Variants in FAF1 observed in about 807,000 individuals in gnomAD.
FAF1 encodes FAS-associated factor 1.
In FAF1, 25 loss-of-function variants were observed where a neutral mutation model predicts 92.5. The observed-to-expected ratio is 0.27, with a 90% CI of 0.20 to 0.38. The LOEUF (loss-of-function observed/expected upper bound fraction) is 0.38. Ranked by LOEUF, FAF1 falls within the 10% of genes least tolerant of loss-of-function variation. The probability of loss-of-function intolerance (pLI) is 1.00; values close to 1 mark genes in which losing one functional copy is unlikely to be tolerated. For missense variants in FAF1, 636 were observed against 793.3 expected (o/e 0.80, Z 2.38); for synonymous variants, 234 against 273.2 (o/e 0.86, Z 1.42).
intron 2 of FAF1, among the ~76,000 whole-genome samples, chr1:50,821,206 A>T (rs1031962784): frequency 1.3e-5 from 2 of 152,072 alleles, no homozygotes; most frequent in African/African-American, 4.8e-5. Flanking sequence ...ATGCAACTTT[A>T]AAAAAAATCT....
At chr1:50,861,602 T>C (rs1644433228) in intron 1 of FAF1, among the ~76,000 whole-genome samples, 1 of 151,798 alleles carries the variant, frequency 6.6e-6, no homozygotes, top group Non-Finnish European at 1.5e-5. Flanking sequence ...TTGGGTACAG[T>C]GTACACTATT....
At chr1:50,844,818 T>A (rs1406801587) in intron 2 of FAF1, among the ~76,000 whole-genome samples, 1 of 152,032 alleles carries the variant, frequency 6.6e-6, no homozygotes, top group Non-Finnish European at 1.5e-5. Context: ...TGATTGGTAA[T>A]CATAAAGTTA....
intron 2 of FAF1, chr1:50,846,659 C>A: frequency 1.8e-6 from 1 of 546,626 alleles, no homozygotes; most frequent in Non-Finnish European, 3.6e-6. Flanking sequence ...CGGGTATTTC[C>A]TGGTGAATTT....
At chr1:50,526,145 C>A (rs990371002) in intron 15 of FAF1, among the ~76,000 whole-genome samples, 1 of 152,152 alleles carries the variant, frequency 6.6e-6, no homozygotes, top group African/African-American at 2.4e-5. Flanking sequence ...CTGTTTTGAC[C>A]TGTAGGTTAG....
rs1646135463 is a variant in FAF1, at chr1:50,437,159, A to T, written c.*4281T>A. ...AGATTATTTGAGACAAGGACAAAAT[A>T]CTAAATGCAGAGATATTCAAGGCAA... On this transcript the variant is annotated 3_prime_UTR_variant, in exon 19 of 19. Transcript: ENST00000396153. The T allele has an allele frequency of 6.6e-6, 1 of 152,262 alleles. No homozygotes were observed. The highest frequency in any genetic ancestry group is 1.5e-5 in the Non-Finnish European group (1 of 68,046). 9.4% of individuals were successfully genotyped at this position (152,262 alleles called of 1,614,324 possible). A position where few individuals can be genotyped will look rare whatever the true frequency, so the allele number is the denominator to read the frequency against.
At chr1:50,948,422 G>A (rs1645187497) in intron 1 of FAF1, among the ~76,000 whole-genome samples, 1 of 152,180 alleles carries the variant, frequency 6.6e-6, no homozygotes, top group South Asian at 2.1e-4. Flanking sequence ...GTAAGGCAAA[G>A]CGGGAGACAG....
intron 6 of FAF1, among the ~76,000 whole-genome samples, chr1:50,716,474 T>G (rs1197687564): frequency 6.6e-6 from 1 of 152,104 alleles, no homozygotes; most frequent in Non-Finnish European, 1.5e-5. Context: ...CTGGGTCGAG[T>G]GGGGACTTGG....
At chr1:50,472,331 C>T (rs1458443349) in intron 18 of FAF1, among the ~76,000 whole-genome samples, 1 of 150,376 alleles carries the variant, frequency 6.6e-6, no homozygotes, top group African/African-American at 2.4e-5. Context: ...ACTATTCCTT[C>T]TCTTAGTAAC....
chr1:50,547,417 AT>A (rs34513367), intron 13 of FAF1, among the ~76,000 whole-genome samples: 157 of 146,032 alleles, frequency 1.1e-3, no homozygotes, highest in African/African-American at 1.8e-3. Context: ...AAGCCACGTA[AT>A]TTTTTTTTTT....
chr1:50,727,364 G>C (rs1236421571), intron 6 of FAF1, among the ~76,000 whole-genome samples: 1 of 152,176 alleles, frequency 6.6e-6, no homozygotes, highest in Non-Finnish European at 1.5e-5. Context: ...CTAGAACAAA[G>C]ACTTAACACA....
chr1:50,873,297 C>T (rs1010626731), intron 1 of FAF1, among the ~76,000 whole-genome samples: 8 of 152,100 alleles, frequency 5.3e-5, no homozygotes, highest in Admixed American at 1.3e-4. Flanking sequence ...TCTACTTTAC[C>T]GCATTGGTCG....
At chr1:50,842,996 CATA>C (rs780460570) in intron 2 of FAF1, among the ~76,000 whole-genome samples, 2 of 152,118 alleles carry the variant, frequency 1.3e-5, no homozygotes, top group Non-Finnish European at 2.9e-5. Context: ...AGGGACTCAA[CATA>C]ATATTTGAAT....
intron 4 of FAF1, among the ~76,000 whole-genome samples, chr1:50,755,704 T>C (rs537401138): frequency 2.0e-5 from 3 of 152,172 alleles, no homozygotes; most frequent in African/African-American, 7.2e-5. Context: ...TGCCTGGGCA[T>C]CCAGGCACTT....
chr1:50,664,520 G>A (rs1261875013), intron 7 of FAF1, among the ~76,000 whole-genome samples: 1 of 149,438 alleles, frequency 6.7e-6, no homozygotes, highest in African/African-American at 2.6e-5. Flanking sequence ...GCTGGGGGCG[G>A]TGGCTCATGC....
intron 18 of FAF1, among the ~76,000 whole-genome samples, chr1:50,445,480 A>G (rs1646217772): frequency 6.6e-6 from 1 of 152,240 alleles, no homozygotes; most frequent in South Asian, 2.1e-4. Flanking sequence ...TAGTTTCTAT[A>G]TAGAGAAAGA....
intron 2 of FAF1, among the ~76,000 whole-genome samples, chr1:50,805,546 A>T (rs1303113733): frequency 6.6e-6 from 1 of 152,154 alleles, no homozygotes; most frequent in Non-Finnish European, 1.5e-5. Context: ...AATGGCAAAA[A>T]TTTCTATAAA....
At chr1:50,798,065 C>A (rs1182880427) in intron 3 of FAF1, among the ~76,000 whole-genome samples, 1 of 149,300 alleles carries the variant, frequency 6.7e-6, no homozygotes, top group African/African-American at 2.5e-5. Flanking sequence ...TTTTTAGGCA[C>A]CTCCTTAAAA....
In FAF1 at chr1:50,892,384, G is replaced by A. The variant is rs145053157; in HGVS notation, c.46-34387C>T. Reference sequence around the variant, plus strand: ...ACTGTCCGACAAGCCCCAGTGAGATGAACCTGGTACCTCAGTTGGAAATGC... The same window carrying A: ...ACTGTCCGACAAGCCCCAGTGAGATAAACCTGGTACCTCAGTTGGAAATGC... On this transcript the variant is annotated intron_variant, in intron 1 of 18. Coordinates refer to ENST00000396153, the MANE Select transcript of FAF1 (RefSeq NM_007051.3). Among the ~76,000 whole-genome samples, 1,097 of 152,348 alleles carry A rather than the reference G, an allele frequency of 7.2e-3. 18 individuals carry two copies. Among genetic ancestry groups the A allele is most frequent in the African/African-American group, 0.025 (1,025 of 41,574 alleles).
intron 1 of FAF1, among the ~76,000 whole-genome samples, chr1:50,923,010 G>A (rs916596166): frequency 2.6e-5 from 4 of 151,906 alleles, no homozygotes; most frequent in Non-Finnish European, 5.9e-5. Context: ...CAACAAATTG[G>A]AAAACCTAGA....
Sources: gnomAD v4.1 joint callset for allele counts (sites outside exome capture counted in the v4.1 genomes callset) on GRCh38, gnomAD v4.1.1 for gene constraint, MANE v1.5 for transcripts, NCBI Gene and HGNC (gene_info 2026-07-23, HGNC 2026-07-21) for gene names.